FAF1: variants seen among roughly 807,000 people sequenced by gnomAD.
FAF1 encodes the protein Fas associated factor 1, also known as FAS-associated factor 1.
Under a neutral mutation model 92.5 loss-of-function variants are expected in FAF1, and 25 were observed. That is an observed-to-expected ratio of 0.27 (90% CI 0.20 to 0.38). The LOEUF is 0.38. Among genes scored for constraint, FAF1 ranks in the 10% least tolerant of loss-of-function variants. The pLI, the probability that FAF1 is intolerant of heterozygous loss-of-function variation, is 1.00. For missense variants in FAF1, 636 were observed against 793.3 expected (o/e 0.80, Z 2.38); for synonymous variants, 234 against 273.2 (o/e 0.86, Z 1.42).
chr1:50,636,411 G>T (rs1654013770), intron 8 of FAF1, among the ~76,000 whole-genome samples: 1 of 116,382 alleles, frequency 8.6e-6, no homozygotes, highest in Non-Finnish European at 1.6e-5. Flanking sequence ...TTTTGAGACA[G>T]AGTCTCCTCT....
intron 8 of FAF1, among the ~76,000 whole-genome samples, chr1:50,631,158 T>C (rs1230997769): frequency 2.0e-5 from 3 of 152,196 alleles, no homozygotes; most frequent in Admixed American, 6.5e-5. Context: ...CGCATTTTTT[T>C]CCTAGCTATC....
At chr1:50,776,587 G>T (rs772931459) in intron 4 of FAF1, among the ~76,000 whole-genome samples, 8 of 151,586 alleles carry the variant, frequency 5.3e-5, no homozygotes, top group Admixed American at 1.3e-4. Context: ...TTTCTGAAGT[G>T]ATACACTATT....
chr1:50,918,864 G>C (rs1399033305), intron 1 of FAF1, among the ~76,000 whole-genome samples: 1 of 148,574 alleles, frequency 6.7e-6, no homozygotes, highest in African/African-American at 2.5e-5. Flanking sequence ...GTTGTTTCCT[G>C]ACTTTTTAAT....
chr1:50,462,233 A>C (rs1374266217), intron 18 of FAF1: 2 of 151,996 alleles, frequency 1.3e-5, no homozygotes, highest in Non-Finnish European at 2.9e-5. Context: ...GAGTCCTACG[A>C]ATCTTCCTAG....
intron 6 of FAF1, among the ~76,000 whole-genome samples, chr1:50,724,294 CAT>C (rs1293625471): frequency 7.1e-4 from 85 of 120,048 alleles, no homozygotes; most frequent in East Asian, 1.9e-3. Flanking sequence ...CACACACACA[CAT>C]ACACACACAC....
At chr1:50,503,867 T>A (rs539970605) in intron 15 of FAF1, among the ~76,000 whole-genome samples, 6 of 152,310 alleles carry the variant, frequency 3.9e-5, no homozygotes, top group Admixed American at 3.3e-4. Context: ...TCAGTGGATA[T>A]GTGGGACTTG....
At chr1:50,938,178 G>A (rs1645102243) in intron 1 of FAF1, among the ~76,000 whole-genome samples, 1 of 152,114 alleles carries the variant, frequency 6.6e-6, no homozygotes, top group Non-Finnish European at 1.5e-5. Context: ...CATCCTATCT[G>A]ACATTACTAT....
At chr1:50,576,228 A>G (rs77222361) in intron 12 of FAF1, among the ~76,000 whole-genome samples, 1,983 of 152,334 alleles carry the variant, frequency 0.013, 42 homozygotes, top group African/African-American at 0.044. Flanking sequence ...CAACCTCTAT[A>G]AAGTAAATAC....
At chr1:50,563,041 C>CA (rs1650004885) in intron 13 of FAF1, among the ~76,000 whole-genome samples, 1 of 152,120 alleles carries the variant, frequency 6.6e-6, no homozygotes, top group African/African-American at 2.4e-5. Flanking sequence ...AGAGACGACT[C>CA]AAAGTAGATG....
chr1:50,823,157 C>T (rs1644061486), intron 2 of FAF1, among the ~76,000 whole-genome samples: 1 of 152,122 alleles, frequency 6.6e-6, no homozygotes, highest in African/African-American at 2.4e-5. Context: ...TTGAACAAAG[C>T]CATAAAGCTA....
intron 3 of FAF1, among the ~76,000 whole-genome samples, chr1:50,795,278 T>C (rs1345316421): frequency 6.6e-6 from 1 of 152,204 alleles, no homozygotes; most frequent in Non-Finnish European, 1.5e-5. Flanking sequence ...CAGTGATCTA[T>C]CTTCTCTGAA....
intron 6 of FAF1, among the ~76,000 whole-genome samples, chr1:50,723,140 C>T (rs1217890494): frequency 2.6e-5 from 4 of 152,132 alleles, no homozygotes. Context: ...GTGGCTCACG[C>T]TTGTAATCCT....
At chr1:50,559,903 G>T (rs757930341) in intron 13 of FAF1, among the ~76,000 whole-genome samples, 1 of 152,194 alleles carries the variant, frequency 6.6e-6, no homozygotes, top group Non-Finnish European at 1.5e-5. Flanking sequence ...GGAAAATGTT[G>T]CATAAAGGGA....
At chr1:50,816,501 G>A (rs1643977894) in intron 2 of FAF1, among the ~76,000 whole-genome samples, 1 of 151,164 alleles carries the variant, frequency 6.6e-6, no homozygotes, top group African/African-American at 2.4e-5. Context: ...ACCACGCCTG[G>A]CTTTTGCCCA....
Position 50,664,545 on chromosome 1 carries a change from C to G in FAF1, c.658-9017G>C, listed in dbSNP as rs1260903957. ...GTGGCTCATGCCTGTAATCCCAGCA[C>G]GCTGGGAGGCCAAGGTGGGTGGATC... On this transcript the variant is annotated intron_variant, in intron 7 of 18. Transcript: ENST00000396153. Among the ~76,000 whole-genome samples the G allele has an allele frequency of 2.0e-5, 3 of 147,838 alleles. 1 individual carries two copies. The highest frequency in any genetic ancestry group is 8.0e-5 in the African/African-American group (3 of 37,690).
At chr1:50,680,443 G>A (rs577002125) in intron 7 of FAF1, among the ~76,000 whole-genome samples, 108 of 152,206 alleles carry the variant, frequency 7.1e-4, no homozygotes, top group Non-Finnish European at 7.8e-4. Flanking sequence ...AGAACTTTGG[G>A]AGGCCGAGGC....
At chr1:50,554,287 C>T (rs1017771021) in intron 13 of FAF1, among the ~76,000 whole-genome samples, 11 of 150,772 alleles carry the variant, frequency 7.3e-5, no homozygotes, top group African/African-American at 2.7e-4. Context: ...CTCTCTGAGC[C>T]ACAAATAGTT....
chr1:50,492,260 C>A (rs145033025), intron 15 of FAF1, among the ~76,000 whole-genome samples: 115 of 152,226 alleles, frequency 7.6e-4, no homozygotes, highest in African/African-American at 2.5e-3. Context: ...GGAGGGAGAA[C>A]AAAGACTAGG....
chr1:50,548,176 CGA>C (rs1382692253), intron 13 of FAF1, among the ~76,000 whole-genome samples: 6 of 152,032 alleles, frequency 3.9e-5, no homozygotes, highest in African/African-American at 7.3e-5. Flanking sequence ...AAATATATGA[CGA>C]GATAAGACAT....
Sources: gnomAD v4.1 joint callset for allele counts (sites outside exome capture counted in the v4.1 genomes callset) on GRCh38, gnomAD v4.1.1 for gene constraint, MANE v1.5 for transcripts, NCBI Gene and HGNC (gene_info 2026-07-23, HGNC 2026-07-21) for gene names.